The following SFXN5 variants were observed in gnomAD, a reference collection of about 807,000 sequenced individuals.
SFXN5 encodes the protein sideroflexin 5.
A neutral mutation model predicts 50.2 loss-of-function variants in SFXN5; 43 were observed. The observed-to-expected ratio is 0.86, with a 90% confidence interval of 0.67 to 1.11. SFXN5 has a LOEUF of 1.11. Ranked by LOEUF, SFXN5 falls within the 50% of genes least tolerant of loss-of-function variation. The probability of loss-of-function intolerance (pLI) is 0.00; values close to 1 mark genes in which losing one functional copy is unlikely to be tolerated. For missense variants in SFXN5, 463 were observed against 454.1 expected (o/e 1.02, Z -0.18); for synonymous variants, 203 against 185.8 (o/e 1.09, Z -0.75).
intron 11 of SFXN5, among the ~76,000 whole-genome samples, chr2:72,969,713 T>TTC (rs1342085513): frequency 2.0e-5 from 3 of 151,886 alleles, no homozygotes; most frequent in African/African-American, 2.4e-5. Flanking sequence ...TTTTTTTTTT[T>TTC]TAACATCTCT....
At chr2:73,053,491 G>A (rs531804634) in intron 2 of SFXN5, 2 of 152,694 alleles carry the variant, frequency 1.3e-5, no homozygotes, top group South Asian at 4.1e-4. Flanking sequence ...CTGTCAAGCA[G>A]GGCAACCTCC....
At chr2:73,005,580 C>T (rs139065668) in intron 6 of SFXN5, among the ~76,000 whole-genome samples, 64 of 152,258 alleles carry the variant, frequency 4.2e-4, no homozygotes, top group African/African-American at 1.1e-3. Flanking sequence ...CCCTGGATGC[C>T]GGTTGCCAGT....
intron 1 of SFXN5, among the ~76,000 whole-genome samples, chr2:73,065,453 T>G (rs1356699202): frequency 6.6e-6 from 1 of 151,620 alleles, no homozygotes; most frequent in Admixed American, 6.6e-5. Flanking sequence ...CAGGCTGGAG[T>G]GCAATGGTGC....
chr2:73,064,640 G>C (rs1174766626), intron 1 of SFXN5, among the ~76,000 whole-genome samples: 1 of 152,166 alleles, frequency 6.6e-6, no homozygotes, highest in Non-Finnish European at 1.5e-5. Flanking sequence ...TTGAAGTGAA[G>C]AAAGCATTTG....
intron 11 of SFXN5, among the ~76,000 whole-genome samples, chr2:72,969,080 T>C (rs1674841138): frequency 6.6e-6 from 1 of 152,092 alleles, no homozygotes; most frequent in Admixed American, 6.5e-5. Context: ...AGTACTGGGA[T>C]TACAGGTGTG....
At chr2:73,047,253 T>TATATATATACACAC (rs1680534876) in intron 2 of SFXN5, among the ~76,000 whole-genome samples, 1 of 45,128 alleles carries the variant, frequency 2.2e-5, no homozygotes, top group Non-Finnish European at 4.2e-5. Context: ...AAAATATATA[T>TATATATATACACAC]ATATATATAT....
At position 72,950,064 on chromosome 2, in the gene SFXN5, G is replaced by GT. The variant is rs1672364535; in HGVS notation, c.946-4966dup. ...GGGCAGGAGAAAGCGCCCGGGATGT[G>GT]TGAGCATAGCCAGATCCTTCAGAGT... On this transcript the variant is annotated intron_variant, in intron 13 of 13. Transcript: ENST00000272433. The surrounding 1 kb of genome is among the most constrained non-coding windows in gnomAD (Gnocchi z 4.2). Among the ~76,000 whole-genome samples the GT allele has an allele frequency of 6.6e-6, 1 of 152,012 alleles. No individual in the cohort carries two copies. The highest frequency in any genetic ancestry group is 2.4e-5 in the African/African-American group (1 of 41,404).
At chr2:73,007,810 T>C (rs1674909721) in intron 6 of SFXN5, among the ~76,000 whole-genome samples, 1 of 152,318 alleles carries the variant, frequency 6.6e-6, no homozygotes, top group Admixed American at 6.5e-5. Flanking sequence ...CTGATTTATG[T>C]GGCTAATGAT....
rs1346101908 is a variant in SFXN5 at position 72,958,478 on chromosome 2, G to A, written c.945+2653C>T. Among the ~76,000 whole-genome samples the A allele has an allele frequency of 2.0e-5, 3 of 152,308 alleles. No individual in the cohort carries two copies. The South Asian group carries it at 6.2e-4, about 32-fold the overall frequency. ...TGACCTTGAAAATCCTTCTAACTGG[G>A]AGGGTCTCTGATTCTGCATCAGTAT... On this transcript the variant is annotated intron_variant, in intron 13 of 13. Coordinates refer to ENST00000272433, the MANE Select transcript of SFXN5 (RefSeq NM_144579.3).
intron 6 of SFXN5, among the ~76,000 whole-genome samples, chr2:73,011,305 T>C (rs6706065): frequency 0.061 from 9,217 of 152,256 alleles, 328 homozygotes; most frequent in East Asian, 0.14. Flanking sequence ...TCCTCCCACC[T>C]TGGCCTCCCA....
In SFXN5 at chr2:72,961,089, C is replaced by G. The variant is rs933718683; in HGVS notation, c.945+42G>C. The G allele has an allele frequency of 2.2e-6, 3 of 1,336,650 alleles. No homozygotes were observed. Among genetic ancestry groups the G allele is most frequent in the Non-Finnish European group, 3.0e-6 (3 of 999,610 alleles). The allele number at this position is 1,336,650 out of a possible 1,614,324, so 82.8% of individuals were successfully genotyped here. ...TATTTGTTCAGAAATCACCAAACAG[C>G]ACCCCCTGCCCTGCCCTGCCCTTGA... On this transcript the variant is annotated intron_variant, in intron 13 of 13. Transcript: ENST00000272433. The surrounding 1 kb of genome is among the most constrained non-coding windows in gnomAD (Gnocchi z 4.4).
At chr2:72,956,420 G>A (rs1322746036) in intron 13 of SFXN5, among the ~76,000 whole-genome samples, 1 of 152,200 alleles carries the variant, frequency 6.6e-6, no homozygotes, top group Non-Finnish European at 1.5e-5. Flanking sequence ...TCCTGTGGAG[G>A]GGAGGAGGGC....
At position 72,942,767 on chromosome 2, in the gene SFXN5, G is replaced by T; in HGVS notation, c.*2255C>A. On this transcript the variant is annotated 3_prime_UTR_variant, in exon 14 of 14. Transcript: ENST00000272433. ...TGAAGCTGCATTTGGGAGCATGACGGAAATCATCCGGGAGACAAAGCAAAT... is the reference window on the plus strand; with the variant it reads ...TGAAGCTGCATTTGGGAGCATGACGTAAATCATCCGGGAGACAAAGCAAAT... The T allele has an allele frequency of 6.7e-6, 1 of 148,370 alleles. No individual in the cohort carries two copies. The highest frequency in any genetic ancestry group is 1.5e-5 in the Non-Finnish European group (1 of 66,968). 9.2% of individuals were successfully genotyped at this position (148,370 alleles called of 1,614,324 possible).
chr2:73,028,846 A>T (rs961936686), intron 3 of SFXN5, among the ~76,000 whole-genome samples: 14 of 152,220 alleles, frequency 9.2e-5, no homozygotes, highest in African/African-American at 3.4e-4. Context: ...GCAGAAAGAC[A>T]TGAAAGAGGA....
chr2:72,952,967 C>G (rs1672696384), intron 13 of SFXN5, among the ~76,000 whole-genome samples: 1 of 152,224 alleles, frequency 6.6e-6, no homozygotes, highest in African/African-American at 2.4e-5. Context: ...CTTCTCCCTC[C>G]CTATCCTGGA....
At chr2:73,040,382 A>G (rs947860310) in intron 3 of SFXN5, among the ~76,000 whole-genome samples, 3 of 152,190 alleles carry the variant, frequency 2.0e-5, no homozygotes, top group African/African-American at 7.2e-5. Flanking sequence ...TCCTAATCCT[A>G]ATCCTCAACA....
At chr2:73,050,644 C>G (rs1454306298) in intron 2 of SFXN5, among the ~76,000 whole-genome samples, 2 of 152,200 alleles carry the variant, frequency 1.3e-5, no homozygotes, top group African/African-American at 2.4e-5. Context: ...CCTTGGCACT[C>G]TGGGTCTGTG....
chr2:72,945,213 G>C lies in SFXN5; in HGVS notation c.946-114C>G. On this transcript the variant is annotated intron_variant, in intron 13 of 13. Transcript: ENST00000272433. The surrounding 1 kb of genome is among the most constrained non-coding windows in gnomAD (Gnocchi z 5.8). The stretch of plus-strand genomic sequence containing the variant: ...CCAGAGCTCTGCCCCCTGCACCCCC[G>C]TGTCCACCCCAGCCAGGGCTCACAT... The C allele has an allele frequency of 1.1e-6, 1 of 935,188 alleles. No individual in the cohort carries two copies. Among genetic ancestry groups the C allele is most frequent in the South Asian group, 1.5e-5 (1 of 66,196 alleles). 57.9% of individuals were successfully genotyped at this position (935,188 alleles called of 1,614,324 possible).
intron 2 of SFXN5, among the ~76,000 whole-genome samples, chr2:73,057,299 C>A (rs555613099): frequency 1.5e-4 from 23 of 152,066 alleles, no homozygotes; most frequent in African/African-American, 5.6e-4. Context: ...CCACCACACT[C>A]GGATAATTTT....
Sources: allele counts gnomAD v4.1 joint callset (sites outside exome capture counted in the v4.1 genomes callset), GRCh38; gene constraint gnomAD v4.1.1; non-coding constraint Gnocchi (gnomAD v3.1); transcripts MANE v1.5; gene names NCBI Gene and HGNC (gene_info 2026-07-23, HGNC 2026-07-21).